PCDHGA8: variants seen among roughly 807,000 people sequenced by gnomAD.
The protein encoded by PCDHGA8 is protocadherin gamma-A8.
PCDHGA8 carries 45 observed loss-of-function variants against 59.2 expected under a neutral mutation model. The ratio of observed to expected loss-of-function variants is 0.76; its 90% CI spans 0.60 to 0.98. PCDHGA8 has a LOEUF of 0.98. PCDHGA8 is among the 50% of genes least tolerant of loss of function. The probability of loss-of-function intolerance (pLI) is 0.00; values close to 1 mark genes in which losing one functional copy is unlikely to be tolerated. For missense variants in PCDHGA8, 1,257 were observed against 1,196.2 expected (o/e 1.05, Z -0.75); for synonymous variants, 531 against 519.0 (o/e 1.02, Z -0.32).
Position 141,477,553 on chromosome 5 carries a change from A to G in PCDHGA8, c.2425-17254A>G. ...TCCCCGGGGCTCCAATACTAAACCTAAGTGTCTGGGACCCCGACGCCCCGC... is the reference window on the plus strand; with the variant it reads ...TCCCCGGGGCTCCAATACTAAACCTGAGTGTCTGGGACCCCGACGCCCCGC... On this transcript the variant is annotated intron_variant, in intron 1 of 3. Transcript: ENST00000398604. This position sits in a 1 kb window ranked among gnomAD's most constrained non-coding sequence, Gnocchi z 4.9. 5 of 1,614,090 alleles carry G rather than the reference A, an allele frequency of 3.1e-6. No individual in the cohort carries two copies. The highest frequency in any genetic ancestry group is 4.2e-6 in the Non-Finnish European group (5 of 1,180,020).
chr5:141,499,731 C>T (rs2099794093), intron 2 of PCDHGA8, among the ~76,000 whole-genome samples: 1 of 138,132 alleles, frequency 7.2e-6, no homozygotes, highest in African/African-American at 2.7e-5. Context: ...GTCTCACTCT[C>T]TTGCCCAGGC....
chr5:141,423,513 G>C, intron 1 of PCDHGA8: 3 of 1,613,750 alleles, frequency 1.9e-6, no homozygotes, highest in Non-Finnish European at 1.7e-6. Flanking sequence ...CTCTCATTGC[G>C]GACTCGCAGA....
At chr5:141,467,131 C>A (rs1441537783) in intron 1 of PCDHGA8, among the ~76,000 whole-genome samples, 1 of 151,702 alleles carries the variant, frequency 6.6e-6, no homozygotes, top group African/African-American at 2.4e-5. Flanking sequence ...CAGCTCACTG[C>A]AACCTCTGCC....
intron 1 of PCDHGA8, among the ~76,000 whole-genome samples, chr5:141,435,946 A>C (rs953432473): frequency 6.6e-6 from 1 of 152,174 alleles, no homozygotes; most frequent in Non-Finnish European, 1.5e-5. Flanking sequence ...CTGAGACCAA[A>C]AAAGGGGGCA....
At chr5:141,423,219 T>C (rs775170753) in intron 1 of PCDHGA8, 3 of 1,613,752 alleles carry the variant, frequency 1.9e-6, no homozygotes, top group Admixed American at 1.7e-5. Flanking sequence ...TCACCGTGGC[T>C]GTGGCCGACA....
At chr5:141,399,230 A>G (rs764321114) in intron 1 of PCDHGA8, 2 of 1,614,002 alleles carry the variant, frequency 1.2e-6, no homozygotes, top group Non-Finnish European at 1.7e-6. Context: ...ATCAAAATAC[A>G]TGACCAAGAT....
intron 2 of PCDHGA8, among the ~76,000 whole-genome samples, chr5:141,495,968 CTGTTACTCTTTCTT>C (rs1033811907): frequency 6.6e-6 from 1 of 152,126 alleles, no homozygotes; most frequent in African/African-American, 2.4e-5. Context: ...GCCTCTTTCT[CTGTTACTCTTTCTT>C]TATCTCTCTT....
rs2099883887 is a variant in PCDHGA8, at chr5:141,511,641, ACC to A, written c.*469_*470del. 4.4e-6 allele frequency: 1 copy of A among 224,930 alleles called. No homozygotes were observed. Among genetic ancestry groups the A allele is most frequent in the Non-Finnish European group, 9.1e-6 (1 of 110,428 alleles). 13.9% of individuals were successfully genotyped at this position (224,930 alleles called of 1,614,324 possible). A position where few individuals can be genotyped will look rare whatever the true frequency, so the allele number is the denominator to read the frequency against. ...TCTGAAAAGTTGGAAGGGCATCATG[ACC>A]TCTTGGCCTCTCCTTTGATTCTCAA... On this transcript the variant is annotated 3_prime_UTR_variant, in exon 4 of 4. Coordinates refer to ENST00000398604, the MANE Select transcript of PCDHGA8 (RefSeq NM_032088.2).
At chr5:141,410,441 A>C (rs1242063924) in intron 1 of PCDHGA8, 1 of 1,613,828 alleles carries the variant, frequency 6.2e-7, no homozygotes, top group South Asian at 1.1e-5. Flanking sequence ...CAGTGAGGGG[A>C]CTTTGCCTTA....
At position 141,395,114 on chromosome 5, in the gene PCDHGA8, C is replaced by T. The variant is rs2093175908; in HGVS notation, c.2301C>T (p.His767=). Residue 767 remains histidine, a synonymous_variant, in exon 1 of 4, where the codon CAC becomes CAT. Transcript: ENST00000398604. ...TCACCGCCGACTCGCGGAAGAGTCA[C>T]CTGATCTTTCCCCAGCCCAACTACG... ...VSLTADSRKS[H]LIFPQPNYAD... 1.2e-6 allele frequency: 2 copies of T among 1,614,070 alleles called. No homozygotes were observed. Among genetic ancestry groups the T allele is most frequent in the African/African-American group, 1.3e-5 (1 of 74,920 alleles).
At chr5:141,396,515 G>A (rs1162905890) in intron 1 of PCDHGA8, 3 of 152,048 alleles carry the variant, frequency 2.0e-5, no homozygotes, top group Non-Finnish European at 4.4e-5. Flanking sequence ...AGCTACTCGG[G>A]AGGCTGAGGC....
intron 1 of PCDHGA8, chr5:141,418,790 G>A (rs1434374059): frequency 2.5e-6 from 4 of 1,613,758 alleles, no homozygotes; most frequent in Admixed American, 3.3e-5. Flanking sequence ...GGATTTTGAA[G>A]AAGTAGAAAG....
At position 141,491,299 on chromosome 5, in the gene PCDHGA8, C is replaced by T. The variant is rs777271881; in HGVS notation, c.2425-3508C>T. ...TGACTTCCTCATACACCCTCCTGAG[C>T]GTTCAGACCTTACCCTTTACCTCAT... On this transcript the variant is annotated intron_variant, in intron 1 of 3. Transcript: ENST00000398604. This position sits in a 1 kb window ranked among gnomAD's most constrained non-coding sequence, Gnocchi z 6.9. 3.7e-6 allele frequency: 6 copies of T among 1,614,068 alleles called. No individual in the cohort carries two copies. Among genetic ancestry groups the T allele is most frequent in the Non-Finnish European group, 5.1e-6 (6 of 1,179,896 alleles).
chr5:141,447,078 G>A (rs531206989), intron 1 of PCDHGA8, among the ~76,000 whole-genome samples: 5 of 152,018 alleles, frequency 3.3e-5, no homozygotes, highest in Non-Finnish European at 7.4e-5. Context: ...TTTAATTTTT[G>A]TTGTTTAATT....
chr5:141,469,821 G>GTCAC (rs2099212195), intron 1 of PCDHGA8, among the ~76,000 whole-genome samples: 1 of 152,028 alleles, frequency 6.6e-6, no homozygotes, highest in African/African-American at 2.4e-5. Flanking sequence ...TAGAATGGAG[G>GTCAC]TCACATAAAA....
chr5:141,463,927 A>G (rs1454864391), intron 1 of PCDHGA8, among the ~76,000 whole-genome samples: 1 of 152,206 alleles, frequency 6.6e-6, no homozygotes, highest in Non-Finnish European at 1.5e-5. Flanking sequence ...AAATCATTCT[A>G]TATAAATTTA....
chr5:141,445,305 T>C (rs899306819), intron 1 of PCDHGA8, among the ~76,000 whole-genome samples: 2 of 152,204 alleles, frequency 1.3e-5, no homozygotes, highest in Non-Finnish European at 1.5e-5. Context: ...TCTCTTCAGT[T>C]TGTAGGTTGA....
At chr5:141,434,784 A>T (rs967716221) in intron 1 of PCDHGA8, among the ~76,000 whole-genome samples, 11 of 150,278 alleles carry the variant, frequency 7.3e-5, no homozygotes, top group East Asian at 5.8e-4. Flanking sequence ...AAAAAAAAAA[A>T]TTTTTTTTTC....
intron 2 of PCDHGA8, among the ~76,000 whole-genome samples, chr5:141,501,984 G>A (rs989251578): frequency 2.0e-5 from 3 of 152,042 alleles, no homozygotes; most frequent in African/African-American, 4.8e-5. Context: ...ATCTGGTCCC[G>A]TTGTCTCCCT....
Sources: gnomAD v4.1 joint callset for allele counts (sites outside exome capture counted in the v4.1 genomes callset) on GRCh38, gnomAD v4.1.1 for gene constraint, Gnocchi (gnomAD v3.1) non-coding constraint, MANE v1.5 for transcripts, NCBI Gene and HGNC (gene_info 2026-07-23, HGNC 2026-07-21) for gene names.